Variants in PCLO observed in about 807,000 individuals in gnomAD.
PCLO encodes protein piccolo.
In PCLO, 82 loss-of-function variants were observed where a neutral mutation model predicts 427.5. The ratio of observed to expected loss-of-function variants is 0.19; its 90% CI spans 0.16 to 0.23. The LOEUF (loss-of-function observed/expected upper bound fraction) is 0.23. Among genes scored for constraint, PCLO ranks in the 10% least tolerant of loss-of-function variants. PCLO has a pLI of 1.00. For synonymous variants in PCLO, 2,357 were observed against 2,155.4 expected (o/e 1.09, Z -2.59); for missense variants, 6,239 against 6,115.9 (o/e 1.02, Z -0.67).
chr7:83,099,638 G>A (rs1278009238), intron 3 of PCLO, among the ~76,000 whole-genome samples: 3 of 152,118 alleles, frequency 2.0e-5, no homozygotes, highest in African/African-American at 4.8e-5. Context: ...TGATCCACCG[G>A]CCTCGGCCTC....
chr7:82,893,693 C>T (rs893439567), intron 9 of PCLO, among the ~76,000 whole-genome samples: 7 of 152,018 alleles, frequency 4.6e-5, no homozygotes, highest in Non-Finnish European at 8.8e-5. Flanking sequence ...ATGTCACAAT[C>T]CTCCTCAGAA....
chr7:82,796,114 A>G (rs1297587249), intron 22 of PCLO, among the ~76,000 whole-genome samples: 1 of 152,228 alleles, frequency 6.6e-6, no homozygotes, highest in African/African-American at 2.4e-5. Flanking sequence ...TCGCTTCCAG[A>G]AATTTAATTC....
At chr7:82,980,804 A>C (rs1796130039) in intron 3 of PCLO, among the ~76,000 whole-genome samples, 1 of 152,148 alleles carries the variant, frequency 6.6e-6, no homozygotes, top group African/African-American at 2.4e-5. Flanking sequence ...AGAGAATGTG[A>C]TGATTTACAA....
Position 82,847,406 on chromosome 7 carries a change from T to C in PCLO, c.13655-159A>G, listed in dbSNP as rs371579017. Among the ~76,000 whole-genome samples, 18 of 152,280 alleles carry C rather than the reference T, an allele frequency of 1.2e-4. No individual in the cohort carries two copies. The South Asian group carries it at 3.1e-3, about 26-fold the overall frequency. ...TCTGCAACATTAATACCAAAACCAT[T>C]ATGTAGTTTGATCTCATTAACTTAC... is the stretch of plus-strand genomic sequence containing the variant. On this transcript the variant is annotated intron_variant, in intron 10 of 24. Coordinates refer to ENST00000333891, the MANE Select transcript of PCLO (RefSeq NM_033026.6).
chr7:83,069,421 T>C (rs1294438461), intron 3 of PCLO, among the ~76,000 whole-genome samples: 1 of 152,228 alleles, frequency 6.6e-6, no homozygotes, highest in Non-Finnish European at 1.5e-5. Context: ...TTACGTAATG[T>C]ATACAAATAT....
intron 3 of PCLO, among the ~76,000 whole-genome samples, chr7:83,128,725 A>T (rs1276694092): frequency 6.6e-6 from 1 of 152,148 alleles, no homozygotes; most frequent in African/African-American, 2.4e-5. Context: ...AAAGAATATA[A>T]CAGTATTTCT....
At chr7:82,873,179 G>T (rs1793279861) in intron 10 of PCLO, among the ~76,000 whole-genome samples, 3 of 110,102 alleles carry the variant, frequency 2.7e-5, no homozygotes, top group South Asian at 5.6e-4. Flanking sequence ...TATTCTGTAA[G>T]TTTTTTTTTT....
At chr7:82,944,137 TAAAAAAAA>T (rs71096608) in intron 6 of PCLO, among the ~76,000 whole-genome samples, 10 of 33,890 alleles carry the variant, frequency 3.0e-4, no homozygotes, top group African/African-American at 6.4e-4. Flanking sequence ...CAAGAATCCA[TAAAAAAAA>T]AAAAAAAAAA....
chr7:83,160,977 A>G (rs1266478845), intron 1 of PCLO, among the ~76,000 whole-genome samples: 1 of 152,144 alleles, frequency 6.6e-6, no homozygotes, highest in East Asian at 1.9e-4. Context: ...CATATCATAA[A>G]CTGGATAAGA....
In PCLO at chr7:82,757,585, G is replaced by T. The variant is rs1225100193; in HGVS notation, c.*990C>A. On this transcript the variant is annotated 3_prime_UTR_variant, in exon 25 of 25. Transcript: ENST00000333891. ...TAATATGGTTTGTTTGCCAGAGAAA[G>T]AATTTTCTTTCTCTGTCAATGCATC... is the stretch of plus-strand genomic sequence containing the variant. 4 of 151,990 alleles carry T rather than the reference G, an allele frequency of 2.6e-5. No homozygotes were observed. The highest frequency in any genetic ancestry group is 3.9e-4 in the East Asian group (2 of 5,162). The allele number at this position is 151,990 out of a possible 1,614,324, so 9.4% of individuals were successfully genotyped here.
At position 82,950,326 on chromosome 7, in the gene PCLO, C is replaced by A; in HGVS notation, c.10262G>T (p.Gly3421Val). Residue 3421 changes from glycine (G) to valine (V), a missense_variant, in exon 6 of 25, where the codon GGA becomes GTA. Transcript: ENST00000333891. The stretch of plus-strand genomic sequence containing the variant: ...ATTTTCTCCCATGTCATCATACTGT[C>A]CTCGGACTTTAGCTCCAGAACTTCT... ...KKRSSGAKVRGQYDDMGENMT... is the reference protein window; with the variant it reads ...KKRSSGAKVRVQYDDMGENMT... The A allele has an allele frequency of 6.2e-7, 1 of 1,613,652 alleles. No homozygotes were observed. Among genetic ancestry groups the A allele is most frequent in the Non-Finnish European group, 8.5e-7 (1 of 1,179,832 alleles).
At chr7:83,083,010 A>G (rs1477073866) in intron 3 of PCLO, among the ~76,000 whole-genome samples, 1 of 151,776 alleles carries the variant, frequency 6.6e-6, no homozygotes, top group African/African-American at 2.4e-5. Flanking sequence ...CTCATAAATC[A>G]GTGGGGACAA....
At chr7:83,094,449 C>A (rs530303715) in intron 3 of PCLO, among the ~76,000 whole-genome samples, 1 of 152,030 alleles carries the variant, frequency 6.6e-6, no homozygotes, top group Non-Finnish European at 1.5e-5. Context: ...CCTCGTGATC[C>A]GCCTGCCTCG....
chr7:83,149,484 G>A (rs1341594291), intron 2 of PCLO, among the ~76,000 whole-genome samples: 1 of 152,076 alleles, frequency 6.6e-6, no homozygotes, highest in Admixed American at 6.5e-5. Context: ...GAGCATTTGT[G>A]TGCTCAGTCC....
intron 3 of PCLO, among the ~76,000 whole-genome samples, chr7:83,031,935 T>C (rs1245747218): frequency 6.6e-6 from 1 of 152,182 alleles, no homozygotes; most frequent in Non-Finnish European, 1.5e-5. Context: ...ACCCTTGATA[T>C]GTCTGCATTT....
intron 3 of PCLO, among the ~76,000 whole-genome samples, chr7:83,118,569 C>A (rs1013402340): frequency 1.3e-5 from 2 of 152,022 alleles, no homozygotes; most frequent in Non-Finnish European, 2.9e-5. Flanking sequence ...ATTGTAGGAC[C>A]CTGCATTGGA....
intron 3 of PCLO, among the ~76,000 whole-genome samples, chr7:83,082,424 C>T (rs961689895): frequency 5.3e-5 from 8 of 151,354 alleles, no homozygotes; most frequent in Non-Finnish European, 5.9e-5. Context: ...TAATAAAAAT[C>T]GTACATACTT....
Position 82,801,549 on chromosome 7 carries a change from TG to T in PCLO, c.14975del (p.Pro4992GlnfsTer3). 1 of 1,599,520 alleles carries T rather than the reference TG, an allele frequency of 6.3e-7. No homozygotes were observed. Among genetic ancestry groups the T allele is most frequent in the Non-Finnish European group, 8.6e-7 (1 of 1,166,888 alleles). On this transcript the variant is annotated frameshift_variant, in exon 22 of 25. Transcript: ENST00000333891. LOFTEE classifies it high-confidence loss of function. ...GQNGQEPVKQ[P>X]GVGVGLADTE... ...TGTCTGCTAGTCCTACTCCTACCCC[TG>T]GCTGTTTTACAGGCTCTTGTCCATT...
In PCLO at chr7:82,972,082, CTAAG is replaced by C. The variant is rs1795920487; in HGVS notation, c.3301-5599_3301-5596del. On this transcript the variant is annotated intron_variant, in intron 3 of 24. Transcript: ENST00000333891. Reference sequence around the variant, plus strand: ...ATAATCAGGGTATCAAAATTCATCTCTAAGTAGGAAACATTCTGACAAGTAGAAT... The same window carrying C: ...ATAATCAGGGTATCAAAATTCATCTCTAGGAAACATTCTGACAAGTAGAAT... Among the ~76,000 whole-genome samples, 3 of 151,918 alleles carry C rather than the reference CTAAG, an allele frequency of 2.0e-5. No individual in the cohort carries two copies. The South Asian group carries it at 6.2e-4, about 32-fold the overall frequency.
Sources: allele counts gnomAD v4.1 joint callset (sites outside exome capture counted in the v4.1 genomes callset), GRCh38; gene constraint gnomAD v4.1.1; transcripts MANE v1.5; gene names NCBI Gene and HGNC (gene_info 2026-07-23, HGNC 2026-07-21).